The following PDE11A variants were observed in gnomAD, a reference collection of about 807,000 sequenced individuals.
The protein encoded by PDE11A is phosphodiesterase 11A.
A neutral mutation model predicts 100.5 loss-of-function variants in PDE11A; 100 were observed. The observed-to-expected ratio is 1.00, with a 90% CI of 0.85 to 1.18. PDE11A has a LOEUF of 1.18. Ranked by LOEUF, PDE11A falls within the 50% of genes most tolerant of loss-of-function variation. PDE11A has a pLI of 0.00. For missense variants in PDE11A, 1,141 were observed against 1,152.6 expected (o/e 0.99, Z 0.15); for synonymous variants, 381 against 420.8 (o/e 0.91, Z 1.16).
At chr2:177,743,193 T>A in intron 10 of PDE11A, among the ~76,000 whole-genome samples, 1 of 152,160 alleles carries the variant, frequency 6.6e-6, no homozygotes, top group Non-Finnish European at 1.5e-5. Flanking sequence ...AAACCAGGGG[T>A]GAAACTCAAG....
intron 6 of PDE11A, among the ~76,000 whole-genome samples, chr2:177,832,182 T>G (rs1471481239): frequency 2.6e-5 from 4 of 152,220 alleles, no homozygotes; most frequent in Non-Finnish European, 4.4e-5. Flanking sequence ...TGGTTAATAC[T>G]GAGTGTTAAC....
intron 6 of PDE11A, among the ~76,000 whole-genome samples, chr2:177,830,141 A>G (rs1574188257): frequency 1.3e-5 from 2 of 152,146 alleles, no homozygotes; most frequent in African/African-American, 4.8e-5. Flanking sequence ...ACTGCAAGGA[A>G]CTCAATTCTC....
intron 1 of PDE11A, among the ~76,000 whole-genome samples, chr2:178,047,165 C>T (rs1244224544): frequency 2.0e-5 from 3 of 151,908 alleles, no homozygotes. Context: ...TTTCCTTCTT[C>T]TAGATATCAC....
intron 17 of PDE11A, 48 bp downstream of exon 17, chr2:177,675,407 G>A (rs200791250): frequency 3.3e-5 from 44 of 1,329,428 alleles, no homozygotes; most frequent in African/African-American, 7.2e-5. Context: ...TCCCCCTTAC[G>A]CCCCCCAGTC....
intron 2 of PDE11A, among the ~76,000 whole-genome samples, chr2:178,014,089 T>C (rs749861669): frequency 6.6e-6 from 1 of 152,082 alleles, no homozygotes; most frequent in Non-Finnish European, 1.5e-5. Flanking sequence ...AAAAGCAAGC[T>C]ACAAAAAAAG....
rs138539204 is a variant in PDE11A at position 178,062,706 on chromosome 2, A to G, written c.912+8820T>C. Among the ~76,000 whole-genome samples the G allele has an allele frequency of 1.2e-4, 18 of 152,328 alleles. No individual in the cohort carries two copies. In the East Asian group the frequency reaches 3.3e-3, roughly 28 times the overall value. ...TCATTAAACTGTGCATACCCATTTA[A>G]ATGAAAAAGGAGTACCATTTAATTT... On this transcript the variant is annotated intron_variant, in intron 1 of 19. Coordinates refer to ENST00000286063, the MANE Select transcript of PDE11A (RefSeq NM_016953.4).
intron 2 of PDE11A, among the ~76,000 whole-genome samples, chr2:178,003,865 A>C (rs1208736329): frequency 6.6e-6 from 1 of 152,054 alleles, no homozygotes; most frequent in Admixed American, 6.5e-5. Flanking sequence ...AGTTCAACCT[A>C]ACAGCTATTC....
intron 2 of PDE11A, among the ~76,000 whole-genome samples, chr2:177,999,723 C>T (rs190734736): frequency 2.1e-4 from 32 of 152,276 alleles, no homozygotes; most frequent in African/African-American, 5.8e-4. Context: ...GGTTAAAGCC[C>T]GTTCCAGCCT....
intron 5 of PDE11A, among the ~76,000 whole-genome samples, chr2:177,852,383 C>T (rs1374560794): frequency 9.8e-6 from 1 of 102,312 alleles, no homozygotes; most frequent in African/African-American, 2.7e-5. Context: ...CTTTGCAAAC[C>T]AAATATTGAT....
intron 2 of PDE11A, chr2:177,922,805 T>C: frequency 1.0e-6 from 1 of 984,956 alleles, no homozygotes; most frequent in Non-Finnish European, 1.2e-6. Context: ...TCTTGACTCA[T>C]CTTCCAGCAC....
chr2:177,718,804 CA>C (rs1336040530), intron 12 of PDE11A, among the ~76,000 whole-genome samples: 3 of 152,164 alleles, frequency 2.0e-5, no homozygotes, highest in African/African-American at 7.2e-5. Context: ...TATATTTGTA[CA>C]TTCTTTTTTG....
intron 9 of PDE11A, among the ~76,000 whole-genome samples, chr2:177,789,191 T>C (rs1349348558): frequency 1.3e-5 from 2 of 152,148 alleles, no homozygotes; most frequent in African/African-American, 2.4e-5. Flanking sequence ...TTATGCACCA[T>C]GATCAAGTGG....
chr2:177,822,686 G>A (rs1048219915), intron 6 of PDE11A, among the ~76,000 whole-genome samples: 2 of 152,012 alleles, frequency 1.3e-5, no homozygotes, highest in African/African-American at 4.8e-5. Flanking sequence ...GGGGAGAATT[G>A]ACACCTTTAC....
intron 16 of PDE11A, among the ~76,000 whole-genome samples, chr2:177,679,420 C>G (rs759355628): frequency 1.7e-4 from 26 of 152,052 alleles, no homozygotes; most frequent in Non-Finnish European, 3.5e-4. Context: ...CAGTATTTTT[C>G]CTAAGGGTGC....
At chr2:177,937,212 A>C (rs1314571961) in intron 2 of PDE11A, among the ~76,000 whole-genome samples, 3 of 151,978 alleles carry the variant, frequency 2.0e-5, no homozygotes, top group Non-Finnish European at 2.9e-5. Flanking sequence ...ATGATACACT[A>C]TATGGTCACT....
intron 2 of PDE11A, among the ~76,000 whole-genome samples, chr2:178,101,456 T>C (rs186517385): frequency 1.1e-3 from 164 of 152,338 alleles, no homozygotes; most frequent in African/African-American, 2.9e-3. Flanking sequence ...AAGTTTTTAA[T>C]TGGGGCTTCA....
intron 9 of PDE11A, among the ~76,000 whole-genome samples, chr2:177,771,802 A>G (rs1048236260): frequency 1.3e-5 from 2 of 152,190 alleles, no homozygotes; most frequent in Non-Finnish European, 2.9e-5. Context: ...GAGGAGTTCA[A>G]TACCAGCCTG....
chr2:178,077,777 T>C (rs1381032390), upstream of PDE11A, among the ~76,000 whole-genome samples: 2 of 151,976 alleles, frequency 1.3e-5, no homozygotes, highest in Admixed American at 1.3e-4. Flanking sequence ...ATAATATATG[T>C]ACAAAAGAGA....
At chr2:178,026,928 A>C (rs1476252322) in intron 1 of PDE11A, among the ~76,000 whole-genome samples, 1 of 152,142 alleles carries the variant, frequency 6.6e-6, no homozygotes, top group Non-Finnish European at 1.5e-5. Context: ...AAATGTACTC[A>C]TCTCTTAATA....
Sources: gnomAD v4.1 joint callset for allele counts (sites outside exome capture counted in the v4.1 genomes callset) on GRCh38, gnomAD v4.1.1 for gene constraint, MANE v1.5 for transcripts, NCBI Gene and HGNC (gene_info 2026-07-23, HGNC 2026-07-21) for gene names.